The following VPS54 variants were observed in gnomAD, a reference collection of about 807,000 sequenced individuals.
VPS54 encodes the protein VPS54 subunit of GARP complex, also known as vacuolar protein sorting-associated protein 54.
A neutral mutation model predicts 121.5 loss-of-function variants in VPS54; 45 were observed. The ratio of observed to expected loss-of-function variants is 0.37; its 90% CI spans 0.29 to 0.47. VPS54 has a LOEUF of 0.47. VPS54 is among the 20% of genes least tolerant of loss of function. The pLI, the probability that VPS54 is intolerant of heterozygous loss-of-function variation, is 0.99. For missense variants in VPS54, 1,090 were observed against 1,131.4 expected, an observed-to-expected ratio of 0.96 and a Z score of 0.52; for synonymous variants, 371 against 385.8, an observed-to-expected ratio of 0.96 and a Z score of 0.45.
chr2:64,014,682 G>GCCTTTGACAACCTCTATATTCCTTCCT (rs1678597075), intron 1 of VPS54, among the ~76,000 whole-genome samples: 3 of 152,076 alleles, frequency 2.0e-5, no homozygotes, highest in South Asian at 2.1e-4. Context: ...TGATTCTTCT[G>GCCTTTGACAACCTCTATATTCCTTCCT]AAGCGAATAA....
rs1044485206 is a variant in VPS54 at position 63,914,627 on chromosome 2, G to T, written c.2229-340C>A. ...CTTATTAAGTAAGGGAGTCGCTTCA[G>T]TAAGACAGGTATTGCATTCATTAGC... On this transcript the variant is annotated intron_variant, in intron 16 of 22. Coordinates refer to ENST00000272322, the MANE Select transcript of VPS54 (RefSeq NM_016516.3). Among the ~76,000 whole-genome samples the T allele has an allele frequency of 2.0e-5, 3 of 152,118 alleles. No individual in the cohort carries two copies. In the East Asian group the frequency reaches 5.8e-4, roughly 29 times the overall value.
chr2:64,007,254 A>T (rs1408170171), intron 1 of VPS54, among the ~76,000 whole-genome samples: 2 of 152,230 alleles, frequency 1.3e-5, no homozygotes, highest in African/African-American at 4.8e-5. Flanking sequence ...CTAGAACATA[A>T]GCAACTTTGA....
intron 1 of VPS54, among the ~76,000 whole-genome samples, chr2:64,006,390 C>G (rs1053453603): frequency 6.6e-6 from 1 of 152,186 alleles, no homozygotes; most frequent in African/African-American, 2.4e-5. Context: ...CCTTGTAAAA[C>G]GATATACTAG....
At chr2:63,976,487 T>C (rs572545995) in intron 3 of VPS54, among the ~76,000 whole-genome samples, 6 of 152,322 alleles carry the variant, frequency 3.9e-5, no homozygotes, top group Non-Finnish European at 7.4e-5. Flanking sequence ...CCTTAGCTTC[T>C]ATTTCCTGAA....
rs1030743203 is a variant in VPS54, at chr2:63,914,989, T to C, written c.2229-702A>G. 2.6e-5 allele frequency among the ~76,000 whole-genome samples: 4 copies of C among 151,094 alleles called. No homozygotes were observed. In the East Asian group the frequency reaches 7.8e-4, roughly 29 times the overall value. ...GACAGTGGAGAAACCCTGTCTCTAT[T>C]AAAAATTCAAAATTAGCTGGGCGTG... On this transcript the variant is annotated intron_variant, in intron 16 of 22. Transcript: ENST00000272322.
At chr2:63,985,824 T>C (rs1445121464) in intron 1 of VPS54, among the ~76,000 whole-genome samples, 1 of 152,210 alleles carries the variant, frequency 6.6e-6, no homozygotes, top group Non-Finnish European at 1.5e-5. Context: ...TTAAGAGTCT[T>C]TGAAAGGCCT....
intron 7 of VPS54, among the ~76,000 whole-genome samples, chr2:63,950,388 G>C (rs1054364744): frequency 6.6e-6 from 1 of 152,098 alleles, no homozygotes; most frequent in Non-Finnish European, 1.5e-5. Context: ...AGCTAGATTA[G>C]AGATGTTGTG....
intron 12 of VPS54, among the ~76,000 whole-genome samples, chr2:63,925,880 A>AG (rs1257641956): frequency 2.0e-5 from 3 of 152,166 alleles, no homozygotes; most frequent in Non-Finnish European, 1.5e-5. Flanking sequence ...ATAGTTCTTG[A>AG]GGGGGGTGAC....
chr2:63,926,640 A>C (rs760266447), intron 12 of VPS54, among the ~76,000 whole-genome samples: 1 of 152,160 alleles, frequency 6.6e-6, no homozygotes, highest in Non-Finnish European at 1.5e-5. Flanking sequence ...CTGGATGGAC[A>C]GTGGGTGCAG....
At chr2:63,961,414 C>G (rs1407773401) in intron 7 of VPS54, among the ~76,000 whole-genome samples, 2 of 152,152 alleles carry the variant, frequency 1.3e-5, no homozygotes, top group African/African-American at 4.8e-5. Context: ...TAGTCACTTA[C>G]TAGTACGTGG....
intron 1 of VPS54, among the ~76,000 whole-genome samples, chr2:64,001,363 C>A (rs1244778709): frequency 6.6e-6 from 1 of 152,148 alleles, no homozygotes; most frequent in Admixed American, 6.5e-5. Context: ...GTGTTTGAAC[C>A]CACTATGGCC....
At chr2:63,894,307 C>T (rs1475219830) in intron 22 of VPS54, among the ~76,000 whole-genome samples, 3 of 152,170 alleles carry the variant, frequency 2.0e-5, no homozygotes, top group African/African-American at 7.2e-5. Context: ...GAAATGGTCA[C>T]ACCATTAGAC....
chr2:63,913,146 G>C, intron 18 of VPS54, 77 bp downstream of exon 18: 1 of 1,176,566 alleles, frequency 8.5e-7, no homozygotes, highest in Non-Finnish European at 1.2e-6. Context: ...GAAAACATGA[G>C]GTATAAAAAA....
At chr2:63,916,634 G>A (rs1673391471) in intron 16 of VPS54, among the ~76,000 whole-genome samples, 1 of 152,000 alleles carries the variant, frequency 6.6e-6, no homozygotes, top group African/African-American at 2.4e-5. Context: ...ATTACTCTTG[G>A]GTTGTCTAGA....
At chr2:63,902,061 A>G (rs1360335338) in intron 20 of VPS54, among the ~76,000 whole-genome samples, 1 of 152,124 alleles carries the variant, frequency 6.6e-6, no homozygotes, top group Admixed American at 6.6e-5. Context: ...GAAGAAAGGG[A>G]CAAAAACACC....
At chr2:63,979,406 A>T (rs967832131) in intron 3 of VPS54, among the ~76,000 whole-genome samples, 2 of 151,328 alleles carry the variant, frequency 1.3e-5, no homozygotes, top group African/African-American at 4.9e-5. Flanking sequence ...TGCCTGGCTA[A>T]TTTTTTTGTA....
At chr2:63,953,126 ATTTTTTT>A (rs1194371865) in intron 7 of VPS54, among the ~76,000 whole-genome samples, 6 of 119,228 alleles carry the variant, frequency 5.0e-5, no homozygotes, top group African/African-American at 1.6e-4. Context: ...GAAATTTTTA[ATTTTTTT>A]TTTTTTTTTT....
At chr2:64,001,790 G>C (rs368865777) in intron 1 of VPS54, among the ~76,000 whole-genome samples, 11 of 152,054 alleles carry the variant, frequency 7.2e-5, no homozygotes, top group African/African-American at 2.2e-4. Flanking sequence ...AGAAGGTAGG[G>C]ATATCTTTTA....
Position 63,893,095 on chromosome 2 carries a change from TAAAGTATAC to T in VPS54, c.*326_*334del, listed in dbSNP as rs1672292663. 1 of 230,508 alleles carries T rather than the reference TAAAGTATAC, an allele frequency of 4.3e-6. No homozygotes were observed. Among genetic ancestry groups the T allele is most frequent in the East Asian group, 9.9e-5 (1 of 10,110 alleles). The allele number at this position is 230,508 out of a possible 1,614,324, so 14.3% of individuals were successfully genotyped here. On this transcript the variant is annotated 3_prime_UTR_variant, in exon 23 of 23. Coordinates refer to ENST00000272322, the MANE Select transcript of VPS54 (RefSeq NM_016516.3). ...AAGAAATGCAAAGCATTTTTTAATATAAAGTATACAGAGCATTCTAGTCAACTACAGCTG... is the reference window on the plus strand; with the variant it reads ...AAGAAATGCAAAGCATTTTTTAATATAGAGCATTCTAGTCAACTACAGCTG...
Sources: gnomAD v4.1 joint callset for allele counts (sites outside exome capture counted in the v4.1 genomes callset) on GRCh38, gnomAD v4.1.1 for gene constraint, MANE v1.5 for transcripts, NCBI Gene and HGNC (gene_info 2026-07-23, HGNC 2026-07-21) for gene names.